The following DPYSL2 variants were observed in gnomAD, a reference collection of about 807,000 sequenced individuals.
The protein encoded by DPYSL2 is dihydropyrimidinase-related protein 2.
Under a neutral mutation model 69.9 loss-of-function variants are expected in DPYSL2, and 13 were observed. The ratio of observed to expected loss-of-function variants is 0.19; its 90% CI spans 0.12 to 0.30. The LOEUF (loss-of-function observed/expected upper bound fraction) is 0.30. Ranked by LOEUF, DPYSL2 falls within the 10% of genes least tolerant of loss-of-function variation. The pLI is 1.00. For synonymous variants in DPYSL2, 326 were observed against 359.1 expected (o/e 0.91, Z 1.04); for missense variants, 587 against 918.9 (o/e 0.64, Z 4.67).
intron 1 of DPYSL2, among the ~76,000 whole-genome samples, chr8:26,547,191 T>A (rs1259578441): frequency 6.6e-6 from 1 of 151,618 alleles, no homozygotes; most frequent in Admixed American, 6.6e-5. Flanking sequence ...GGCGAAATCC[T>A]GTCTCTACTA....
At chr8:26,537,726 T>A (rs1252399491) in intron 1 of DPYSL2, among the ~76,000 whole-genome samples, 4 of 152,030 alleles carry the variant, frequency 2.6e-5, no homozygotes, top group African/African-American at 9.7e-5. Flanking sequence ...AAAGACAAGA[T>A]TACTTTTCTT....
chr8:26,645,499 A>G (rs1380819823), intron 10 of DPYSL2, among the ~76,000 whole-genome samples: 5 of 152,224 alleles, frequency 3.3e-5, no homozygotes, highest in Admixed American at 3.3e-4. Flanking sequence ...CTGCTTAAAT[A>G]TACTTGAAAA....
At chr8:26,577,315 G>A (rs1386956538) in intron 1 of DPYSL2, 2 of 243,918 alleles carry the variant, frequency 8.2e-6, no homozygotes, top group African/African-American at 2.4e-5. Context: ...CCTCCCCGCC[G>A]GGTTCCCGCC....
At position 26,644,320 on chromosome 8, in the gene DPYSL2, T is replaced by G. The variant is rs1437075361; in HGVS notation, c.1425+229T>G. Among the ~76,000 whole-genome samples, 1 of 152,172 alleles carries G rather than the reference T, an allele frequency of 6.6e-6. No homozygotes were observed. Among genetic ancestry groups the G allele is most frequent in the African/African-American group, 2.4e-5 (1 of 41,440 alleles). ...TTTCTTTTTAAAACAATTTTTAAAT[T>G]TTTTTCAGACAAGGTCTTGCTCTGT... On this transcript the variant is annotated intron_variant, in intron 10 of 13. Transcript: ENST00000521913. This position sits in a 1 kb window ranked among gnomAD's most constrained non-coding sequence, Gnocchi z 4.5.
intron 1 of DPYSL2, among the ~76,000 whole-genome samples, chr8:26,546,464 A>G (rs1437075038): frequency 1.3e-5 from 2 of 152,102 alleles, no homozygotes; most frequent in Non-Finnish European, 2.9e-5. Context: ...ATTTTGGTGT[A>G]TATCTTTCTA....
intron 3 of DPYSL2, among the ~76,000 whole-genome samples, chr8:26,615,230 C>A (rs932564013): frequency 2.6e-5 from 4 of 152,168 alleles, no homozygotes; most frequent in Admixed American, 1.3e-4. Flanking sequence ...ATGAGAGAAT[C>A]CATGGAAGAT....
At chr8:26,607,508 G>T (rs975486110) in intron 3 of DPYSL2, among the ~76,000 whole-genome samples, 1 of 151,222 alleles carries the variant, frequency 6.6e-6, no homozygotes, top group South Asian at 2.1e-4. Flanking sequence ...ATCATTGTGG[G>T]GCTGGGCGTG....
At position 26,605,661 on chromosome 8, in the gene DPYSL2, T is replaced by A. The variant is rs1271449857; in HGVS notation, c.629-18482T>A. 6.6e-6 allele frequency among the ~76,000 whole-genome samples: 1 copy of A among 152,174 alleles called. No homozygotes were observed. Among genetic ancestry groups the A allele is most frequent in the Non-Finnish European group, 1.5e-5 (1 of 68,024 alleles). ...AGATGACTGACTTAAAAATAATGTATTAAAAATTAATAGCTTCCCTGTATG... is the reference window on the plus strand; with the variant it reads ...AGATGACTGACTTAAAAATAATGTAATAAAAATTAATAGCTTCCCTGTATG... On this transcript the variant is annotated intron_variant, in intron 3 of 13. Transcript: ENST00000521913. The surrounding 1 kb of genome is among the most constrained non-coding windows in gnomAD (Gnocchi z 4.1).
chr8:26,538,736 C>T (rs62492708), intron 1 of DPYSL2, among the ~76,000 whole-genome samples: 1,959 of 152,370 alleles, frequency 0.013, 21 homozygotes, highest in Middle Eastern at 0.075. Flanking sequence ...AGCTCTGTGG[C>T]TACTGTGCAT....
chr8:26,537,855 A>G (rs1300978425), intron 1 of DPYSL2, among the ~76,000 whole-genome samples: 6 of 152,204 alleles, frequency 3.9e-5, no homozygotes, highest in South Asian at 2.1e-4. Context: ...AGTAGGTCCA[A>G]CATTCAAGTC....
intron 1 of DPYSL2, among the ~76,000 whole-genome samples, chr8:26,554,659 T>A (rs1040673261): frequency 6.6e-6 from 1 of 152,182 alleles, no homozygotes; most frequent in Non-Finnish European, 1.5e-5. Flanking sequence ...GTTTTACATT[T>A]AAGCCTTTTA....
chr8:26,579,694 C>G (rs1441700061), intron 1 of DPYSL2, among the ~76,000 whole-genome samples: 4 of 152,154 alleles, frequency 2.6e-5, no homozygotes. Flanking sequence ...AAGAAGGGCG[C>G]TAGCTTCTTC....
At chr8:26,611,247 A>G (rs1220121196) in intron 3 of DPYSL2, among the ~76,000 whole-genome samples, 1 of 152,222 alleles carries the variant, frequency 6.6e-6, no homozygotes, top group Non-Finnish European at 1.5e-5. Context: ...GGGGACAGTT[A>G]CGGAATCACT....
At chr8:26,607,144 A>G (rs1039701979) in intron 3 of DPYSL2, among the ~76,000 whole-genome samples, 1 of 152,214 alleles carries the variant, frequency 6.6e-6, no homozygotes, top group African/African-American at 2.4e-5. Flanking sequence ...GGTGACTGGT[A>G]TAGTAAATTA....
At chr8:26,547,953 C>T (rs757281918) in intron 1 of DPYSL2, 6 of 246,982 alleles carry the variant, frequency 2.4e-5, no homozygotes, top group Non-Finnish European at 5.0e-5. Context: ...AACAGATAAG[C>T]AGGAGGAGAA....
intron 3 of DPYSL2, among the ~76,000 whole-genome samples, chr8:26,603,276 G>A (rs934151256): frequency 7.2e-5 from 11 of 151,926 alleles, no homozygotes; most frequent in African/African-American, 2.7e-4. Context: ...GGGTTCAAGC[G>A]ATTCTCCTGC....
intron 3 of DPYSL2, among the ~76,000 whole-genome samples, chr8:26,616,238 T>G (rs1203189642): frequency 1.3e-5 from 2 of 152,126 alleles, no homozygotes; most frequent in Admixed American, 1.3e-4. Flanking sequence ...GGGCAGGTGC[T>G]TTCTCCTCCT....
chr8:26,568,486 GCAGAAA>G (rs2129682907), intron 1 of DPYSL2, among the ~76,000 whole-genome samples: 1 of 152,288 alleles, frequency 6.6e-6, no homozygotes, highest in African/African-American at 2.4e-5. Flanking sequence ...AGTAAGGAGG[GCAGAAA>G]GAGGACCAAT....
At chr8:26,535,898 T>TTGTGTGTGTG (rs112620337) in intron 1 of DPYSL2, among the ~76,000 whole-genome samples, 1,700 of 141,240 alleles carry the variant, frequency 0.012, 39 homozygotes, top group African/African-American at 0.042. Flanking sequence ...TCTCTATGGG[T>TTGTGTGTGTG]TGTGTGTGTG....
Sources: gnomAD v4.1 joint callset for allele counts (sites outside exome capture counted in the v4.1 genomes callset) on GRCh38, gnomAD v4.1.1 for gene constraint, Gnocchi (gnomAD v3.1) non-coding constraint, MANE v1.5 for transcripts, NCBI Gene and HGNC (gene_info 2026-07-23, HGNC 2026-07-21) for gene names.